BBS9: variants seen among roughly 807,000 people sequenced by gnomAD.
BBS9 encodes the protein Bardet-Biedl syndrome 9.
A neutral mutation model predicts 117.7 loss-of-function variants in BBS9; 89 were observed. The observed-to-expected ratio is 0.76, with a 90% confidence interval of 0.64 to 0.90. The LOEUF is 0.90. Among genes scored for constraint, BBS9 ranks in the 40% least tolerant of loss-of-function variants. The pLI, the probability that BBS9 is intolerant of heterozygous loss-of-function variation, is 0.00. For missense variants in BBS9, 982 were observed against 1,042.2 expected (o/e 0.94, Z 0.80); for synonymous variants, 379 against 370.9 (o/e 1.02, Z -0.25).
intron 19 of BBS9, among the ~76,000 whole-genome samples, chr7:33,416,578 A>T (rs924196631): frequency 2.0e-5 from 3 of 151,960 alleles, no homozygotes; most frequent in African/African-American, 7.2e-5. Flanking sequence ...TTATGCAACA[A>T]ATGTTATGTG....
intron 19 of BBS9, among the ~76,000 whole-genome samples, chr7:33,487,635 G>T (rs1426550840): frequency 6.6e-6 from 1 of 152,198 alleles, no homozygotes; most frequent in African/African-American, 2.4e-5. Flanking sequence ...GGCAGGCTTT[G>T]CTGCTGGAGG....
chr7:33,240,541 C>T (rs1237730063), intron 5 of BBS9, among the ~76,000 whole-genome samples: 1 of 152,202 alleles, frequency 6.6e-6, no homozygotes, highest in Admixed American at 6.5e-5. Flanking sequence ...GCGTGTGCCA[C>T]TGGGCCCACC....
chr7:33,563,774 T>C (rs1856453672), intron 21 of BBS9, among the ~76,000 whole-genome samples: 1 of 152,182 alleles, frequency 6.6e-6, no homozygotes, highest in Admixed American at 6.5e-5. Flanking sequence ...AGGGAAGGAA[T>C]GTCTGAGTAT....
At chr7:33,265,328 A>T (rs1244717096) in intron 7 of BBS9, among the ~76,000 whole-genome samples, 1 of 152,132 alleles carries the variant, frequency 6.6e-6, no homozygotes, top group South Asian at 2.1e-4. Context: ...ATGAAGATAT[A>T]TTTTTTTTCA....
intron 21 of BBS9, among the ~76,000 whole-genome samples, chr7:33,563,390 G>A (rs1328690344): frequency 6.6e-6 from 1 of 152,098 alleles, no homozygotes; most frequent in Non-Finnish European, 1.5e-5. Context: ...CATTCTAAGA[G>A]ATTGCTTTTA....
At chr7:33,591,024 T>C (rs1861829469) in intron 21 of BBS9, among the ~76,000 whole-genome samples, 1 of 151,986 alleles carries the variant, frequency 6.6e-6, no homozygotes, top group Non-Finnish European at 1.5e-5. Flanking sequence ...GGGTTATGTT[T>C]TTGGAGAAAC....
intron 9 of BBS9, among the ~76,000 whole-genome samples, chr7:33,307,772 CTT>C (rs61014537): frequency 1.4e-5 from 2 of 145,466 alleles, no homozygotes; most frequent in Non-Finnish European, 1.5e-5. Flanking sequence ...ATGCAGCCAT[CTT>C]TTTTTTTTTT....
intron 9 of BBS9, among the ~76,000 whole-genome samples, chr7:33,327,182 T>C (rs987757264): frequency 6.6e-6 from 1 of 152,148 alleles, no homozygotes; most frequent in Non-Finnish European, 1.5e-5. Context: ...ATTTCATTTT[T>C]TATTCTGGCA....
chr7:33,327,121 C>A (rs186908799), intron 9 of BBS9, among the ~76,000 whole-genome samples: 2 of 152,102 alleles, frequency 1.3e-5, no homozygotes, highest in Non-Finnish European at 2.9e-5. Flanking sequence ...AACACTTTAC[C>A]TGCAGTGGCA....
At chr7:33,164,339 A>G (rs113832012) in intron 4 of BBS9, among the ~76,000 whole-genome samples, 2,705 of 152,244 alleles carry the variant, frequency 0.018, 97 homozygotes, top group African/African-American at 0.063. Flanking sequence ...GTAGATGTCT[A>G]TTAGGTACGC....
chr7:33,618,482 A>G (rs1332690668), intron 21 of BBS9, among the ~76,000 whole-genome samples: 1 of 152,196 alleles, frequency 6.6e-6, no homozygotes, highest in Non-Finnish European at 1.5e-5. Context: ...TTTGACCTCT[A>G]GTATTAAAAT....
intron 9 of BBS9, among the ~76,000 whole-genome samples, chr7:33,286,883 C>T (rs757563816): frequency 2.1e-4 from 32 of 151,938 alleles, no homozygotes; most frequent in Non-Finnish European, 1.6e-4. Context: ...CTCTGTTTCC[C>T]AGAGGAAAAA....
At chr7:33,194,885 A>G (rs1191799603) in intron 5 of BBS9, among the ~76,000 whole-genome samples, 1 of 152,118 alleles carries the variant, frequency 6.6e-6, no homozygotes, top group African/African-American at 2.4e-5. Context: ...ATTCTCTTCT[A>G]TATGTTGTGG....
intron 4 of BBS9, among the ~76,000 whole-genome samples, chr7:33,176,769 G>A (rs1347390464): frequency 6.6e-6 from 1 of 152,022 alleles, no homozygotes; most frequent in Non-Finnish European, 1.5e-5. Flanking sequence ...GGAAAAAATT[G>A]CTTTCTGAAT....
chr7:33,549,753 C>T (rs568693817), intron 21 of BBS9, among the ~76,000 whole-genome samples: 2 of 152,140 alleles, frequency 1.3e-5, no homozygotes, highest in African/African-American at 4.8e-5. Context: ...AGTGAACTGC[C>T]TTTTCTACTG....
intron 1 of BBS9, among the ~76,000 whole-genome samples, chr7:33,142,737 CA>C (rs1238369589): frequency 6.8e-6 from 1 of 147,906 alleles, no homozygotes; most frequent in Non-Finnish European, 1.5e-5. Context: ...GGTTCATCTA[CA>C]TAGCAGATGT....
At chr7:33,304,786 C>G (rs947448535) in intron 9 of BBS9, among the ~76,000 whole-genome samples, 4 of 152,168 alleles carry the variant, frequency 2.6e-5, no homozygotes, top group Non-Finnish European at 4.4e-5. Context: ...TTGTTCTATA[C>G]TAAGGAAAAT....
At chr7:33,517,200 T>C (rs577324289) in intron 20 of BBS9, among the ~76,000 whole-genome samples, 2 of 152,198 alleles carry the variant, frequency 1.3e-5, no homozygotes, top group Non-Finnish European at 2.9e-5. Context: ...AATTAACTTT[T>C]ATTGAGCATT....
rs111468456 is a variant in BBS9, at chr7:33,482,493, A to C, written c.2116-22970A>C. On this transcript the variant is annotated intron_variant, in intron 19 of 22. Coordinates refer to ENST00000242067, the MANE Select transcript of BBS9 (RefSeq NM_198428.3). ...GCCATGAAGGATGGCTCAAAATAGG[A>C]AATACAGTTGTATAATTGAGACAAA... Among the ~76,000 whole-genome samples, 329 of 152,340 alleles carry C rather than the reference A, an allele frequency of 2.2e-3. 1 individual carries two copies. Among genetic ancestry groups the C allele is most frequent in the African/African-American group, 7.5e-3 (310 of 41,580 alleles).
Sources: allele counts gnomAD v4.1 joint callset (sites outside exome capture counted in the v4.1 genomes callset), GRCh38; gene constraint gnomAD v4.1.1; transcripts MANE v1.5; gene names NCBI Gene and HGNC (gene_info 2026-07-23, HGNC 2026-07-21).